The following PIBF1 variants were observed in gnomAD, a reference collection of about 807,000 sequenced individuals.
PIBF1 encodes progesterone immunomodulatory binding factor 1.
A neutral mutation model predicts 112.5 loss-of-function variants in PIBF1; 90 were observed. The observed-to-expected ratio is 0.80, with a 90% CI of 0.67 to 0.95. The LOEUF is 0.95. Among genes scored for constraint, PIBF1 ranks in the 40% least tolerant of loss-of-function variants. PIBF1 has a pLI of 0.00. For missense variants in PIBF1, 915 were observed against 852.3 expected (o/e 1.07, Z -0.92); for synonymous variants, 301 against 288.6 (o/e 1.04, Z -0.44).
Position 72,858,972 on chromosome 13 carries a change from G to A in PIBF1, c.1322+4817G>A, listed in dbSNP as rs144579252. ...TTGATAAATTATACTCTAATAATTT[G>A]ATGCAATCTTACATAAACTTTAAGC... On this transcript the variant is annotated intron_variant, in intron 10 of 17. Transcript: ENST00000326291. Among the ~76,000 whole-genome samples, 67 of 152,172 alleles carry A rather than the reference G, an allele frequency of 4.4e-4. 1 individual carries two copies. Among genetic ancestry groups the A allele is most frequent in the African/African-American group, 1.5e-3 (62 of 41,544 alleles).
At chr13:72,852,051 G>A (rs961142439) in intron 9 of PIBF1, among the ~76,000 whole-genome samples, 10 of 152,148 alleles carry the variant, frequency 6.6e-5, no homozygotes, top group East Asian at 1.9e-4. Flanking sequence ...TTCATGCTCC[G>A]GTTGTCTGTG....
chr13:72,936,928 C>T (rs1359914324), intron 14 of PIBF1, among the ~76,000 whole-genome samples: 1 of 151,786 alleles, frequency 6.6e-6, no homozygotes, highest in Non-Finnish European at 1.5e-5. Flanking sequence ...GTATCTTTAC[C>T]CTTATTTACG....
intron 9 of PIBF1, among the ~76,000 whole-genome samples, chr13:72,852,787 T>A (rs1465548937): frequency 6.6e-6 from 1 of 152,188 alleles, no homozygotes; most frequent in Non-Finnish European, 1.5e-5. Flanking sequence ...TCTGTATGAA[T>A]AATAAAAAAT....
At chr13:72,899,115 G>A (rs1006458902) in intron 11 of PIBF1, among the ~76,000 whole-genome samples, 4 of 152,018 alleles carry the variant, frequency 2.6e-5, no homozygotes, top group East Asian at 1.9e-4. Context: ...AACAAGCAGC[G>A]AGATTGAAAC....
chr13:72,899,085 G>A (rs1354492099), intron 11 of PIBF1, among the ~76,000 whole-genome samples: 2 of 151,920 alleles, frequency 1.3e-5, no homozygotes, highest in Admixed American at 1.3e-4. Flanking sequence ...AGAAGAATTA[G>A]ATACCCTAAA....
intron 16 of PIBF1, among the ~76,000 whole-genome samples, chr13:72,977,323 G>GC (rs540760571): frequency 5.5e-4 from 84 of 152,244 alleles, no homozygotes; most frequent in African/African-American, 2.0e-3. Flanking sequence ...CCCTGCCTCA[G>GC]CCCCCCAAGT....
chr13:72,848,612 G>A (rs371572892), intron 9 of PIBF1, among the ~76,000 whole-genome samples: 4 of 152,128 alleles, frequency 2.6e-5, no homozygotes, highest in African/African-American at 7.2e-5. Context: ...TTGGGAGGCC[G>A]AGGCGGGCGG....
chr13:72,892,662 C>G (rs2040100249), intron 10 of PIBF1, among the ~76,000 whole-genome samples: 1 of 151,960 alleles, frequency 6.6e-6, no homozygotes, highest in African/African-American at 2.4e-5. Flanking sequence ...CCTAGTAGAT[C>G]CGTTATAAGA....
chr13:72,787,402 C>T (rs1386115837), intron 2 of PIBF1, among the ~76,000 whole-genome samples: 1 of 151,942 alleles, frequency 6.6e-6, no homozygotes, highest in African/African-American at 2.4e-5. Flanking sequence ...TCCCTCTGGT[C>T]GATTGTGAGG....
intron 5 of PIBF1, among the ~76,000 whole-genome samples, chr13:72,801,666 T>G (rs1434453877): frequency 6.6e-6 from 1 of 152,326 alleles, no homozygotes; most frequent in East Asian, 1.9e-4. Flanking sequence ...GGATATCTGC[T>G]TAAAACGCTG....
intron 9 of PIBF1, among the ~76,000 whole-genome samples, chr13:72,845,512 G>C (rs1218877418): frequency 1.3e-5 from 2 of 152,082 alleles, no homozygotes; most frequent in Non-Finnish European, 2.9e-5. Flanking sequence ...GTGATTTATA[G>C]TCCTTTTGGT....
chr13:72,931,116 G>A (rs776453218), intron 13 of PIBF1, 49 bp from the exon 14 acceptor site: 4 of 1,018,822 alleles, frequency 3.9e-6, no homozygotes, highest in Admixed American at 2.0e-5. Flanking sequence ...TGAATATTTT[G>A]GGCAGTATTT....
chr13:72,954,562 A>C (rs1484411074), intron 14 of PIBF1, among the ~76,000 whole-genome samples: 1 of 152,026 alleles, frequency 6.6e-6, no homozygotes, highest in Non-Finnish European at 1.5e-5. Context: ...TCCTGATGCC[A>C]CTCCTTCTCA....
intron 13 of PIBF1, among the ~76,000 whole-genome samples, chr13:72,926,351 T>C (rs551281412): frequency 6.6e-6 from 1 of 152,312 alleles, no homozygotes; most frequent in South Asian, 2.1e-4. Flanking sequence ...CATAATGATA[T>C]AAAACCTACA....
chr13:72,866,872 T>C (rs939004412), intron 10 of PIBF1, among the ~76,000 whole-genome samples: 2 of 152,210 alleles, frequency 1.3e-5, no homozygotes, highest in African/African-American at 4.8e-5. Context: ...ATGTGTATCT[T>C]TGTATTATAT....
chr13:72,795,862 G>A (rs536361766), intron 4 of PIBF1, among the ~76,000 whole-genome samples: 255 of 152,260 alleles, frequency 1.7e-3, no homozygotes, highest in African/African-American at 5.8e-3. Context: ...CCAGGGGTTG[G>A]TTGGGGATAG....
At chr13:72,972,041 TTTATTTA>T (rs2042907990) in intron 15 of PIBF1, among the ~76,000 whole-genome samples, 1 of 150,864 alleles carries the variant, frequency 6.6e-6, no homozygotes, top group African/African-American at 2.4e-5. Flanking sequence ...TATTTATTTA[TTTATTTA>T]TTTTTTGAGA....
chr13:72,909,341 A>G (rs936822452), intron 12 of PIBF1, among the ~76,000 whole-genome samples: 5 of 152,180 alleles, frequency 3.3e-5, no homozygotes, highest in Admixed American at 6.5e-5. Flanking sequence ...GGTGAACATA[A>G]TAACAAATAA....
chr13:72,921,468 A>T (rs1242003632), intron 13 of PIBF1, among the ~76,000 whole-genome samples: 2 of 151,702 alleles, frequency 1.3e-5, no homozygotes, highest in African/African-American at 4.8e-5. Flanking sequence ...CAAAATAACC[A>T]CTCGGAAATG....
Sources: allele counts gnomAD v4.1 joint callset (sites outside exome capture counted in the v4.1 genomes callset), GRCh38; gene constraint gnomAD v4.1.1; transcripts MANE v1.5; gene names NCBI Gene and HGNC (gene_info 2026-07-23, HGNC 2026-07-21).